Variants in MTMR3 observed in about 807,000 individuals in gnomAD.
MTMR3 encodes myotubularin related protein 3.
A neutral mutation model predicts 132.4 loss-of-function variants in MTMR3; 32 were observed. The ratio of observed to expected loss-of-function variants is 0.24; its 90% CI spans 0.18 to 0.32. The LOEUF is 0.32. Among genes scored for constraint, MTMR3 ranks in the 10% least tolerant of loss-of-function variants. MTMR3 has a pLI of 1.00. For missense variants in MTMR3, 1,216 were observed against 1,489.6 expected, an observed-to-expected ratio of 0.82 and a Z score of 3.02; for synonymous variants, 556 against 550.3, an observed-to-expected ratio of 1.01 and a Z score of -0.14.
intron 5 of MTMR3, chr22:29,987,587 G>A (rs558416995): frequency 2.0e-4 from 30 of 152,280 alleles, no homozygotes; most frequent in African/African-American, 6.7e-4. Context: ...GAAGCCAAGG[G>A]TTGAATTAGG....
intron 12 of MTMR3, chr22:30,010,801 T>G (rs2145945448): frequency 6.6e-6 from 1 of 152,348 alleles, no homozygotes; most frequent in East Asian, 1.9e-4. Context: ...ATGTGAGGAA[T>G]GAAATAAACA....
chr22:29,995,571 C>T (rs1186525280), intron 7 of MTMR3: 1 of 152,128 alleles, frequency 6.6e-6, no homozygotes, highest in African/African-American at 2.4e-5. Flanking sequence ...AATTGCTGGA[C>T]TGTATTATTT....
chr22:30,025,797 A>T lies in MTMR3; in HGVS notation c.3593A>T (p.Asn1198Ile), dbSNP rs75623810. The change falls in exon 20 of 20, where the codon AAC (asparagine) becomes ATC (isoleucine). Residue 1198 changes from asparagine (N) to isoleucine (I), a missense_variant. By Grantham distance (149) the Asn-to-Ile change is moderately radical (BLOSUM62 -3). Transcript: ENST00000401950. Reference sequence around the variant, plus strand: ...GATAAGCCCATTGCTGCCACTTCCAACTGAAGCTCAGTGACCTGGGTGGGC... The same window carrying T: ...GATAAGCCCATTGCTGCCACTTCCATCTGAAGCTCAGTGACCTGGGTGGGC... ...ELDKPIAATS[N>I] 2,122 of 1,613,832 alleles carry T rather than the reference A, an allele frequency of 1.3e-3. 34 individuals are homozygous for T. In the African/African-American group the frequency reaches 0.026, roughly 20 times the overall value.
intron 3 of MTMR3, among the ~76,000 whole-genome samples, chr22:29,973,242 C>T (rs2066569954): frequency 6.6e-6 from 1 of 152,168 alleles, no homozygotes; most frequent in Non-Finnish European, 1.5e-5. Flanking sequence ...AGATTGGAGT[C>T]TGTCTTTGAG....
intron 2 of MTMR3, among the ~76,000 whole-genome samples, chr22:29,966,735 G>A (rs1319573328): frequency 1.5e-5 from 1 of 65,334 alleles, no homozygotes; most frequent in Non-Finnish European, 3.1e-5. Context: ...GCGTGTGTGT[G>A]TGTGTGTGTG....
chr22:29,979,160 TTA>T, intron 5 of MTMR3, 108 bp downstream of exon 5: 3 of 767,598 alleles, frequency 3.9e-6, no homozygotes, highest in Non-Finnish European at 6.7e-6. Context: ...AGAGAAAGCA[TTA>T]TGTGCTCTGC....
intron 5 of MTMR3, 71 bp from the exon 6 acceptor site, chr22:29,988,409 T>G: frequency 9.0e-7 from 1 of 1,115,570 alleles, no homozygotes; most frequent in Non-Finnish European, 1.3e-6. Flanking sequence ...ATTAGTCTTG[T>G]TGGACACATT....
chr22:29,899,260 C>T (rs1173273412), intron 1 of MTMR3, among the ~76,000 whole-genome samples: 1 of 152,062 alleles, frequency 6.6e-6, no homozygotes, highest in Non-Finnish European at 1.5e-5. Context: ...GCTATGTTGC[C>T]CCTGCTGGTC....
chr22:29,898,272 A>G (rs1414077985), intron 1 of MTMR3, among the ~76,000 whole-genome samples: 1 of 152,192 alleles, frequency 6.6e-6, no homozygotes, highest in Non-Finnish European at 1.5e-5. Flanking sequence ...GGGTCAAGCT[A>G]TATATATTGT....
chr22:29,962,138 T>G (rs570339634), intron 2 of MTMR3, among the ~76,000 whole-genome samples: 1 of 152,250 alleles, frequency 6.6e-6, no homozygotes, highest in Admixed American at 6.5e-5. Context: ...GATAGACTTA[T>G]GAAATAGTTA....
chr22:29,934,600 T>C (rs1388988880), intron 1 of MTMR3, among the ~76,000 whole-genome samples: 3 of 152,220 alleles, frequency 2.0e-5, no homozygotes, highest in African/African-American at 7.2e-5. Flanking sequence ...TTATAGATTG[T>C]AATATTTGGA....
chr22:29,900,735 G>C (rs2064988661), intron 1 of MTMR3, among the ~76,000 whole-genome samples: 1 of 152,100 alleles, frequency 6.6e-6, no homozygotes, highest in Non-Finnish European at 1.5e-5. Flanking sequence ...TTTTTTTTGA[G>C]AAAGGGTCTC....
rs2067905891 is a variant in MTMR3 at position 30,026,060 on chromosome 22, T to TCCC, written c.*259_*260insCCC. The TCCC allele has an allele frequency of 5.1e-6, 2 of 389,154 alleles. No individual in the cohort carries two copies. Among genetic ancestry groups the TCCC allele is most frequent in the African/African-American group, 4.0e-5 (2 of 49,416 alleles). 24.1% of individuals were successfully genotyped at this position (389,154 alleles called of 1,614,324 possible). On this transcript the variant is annotated 3_prime_UTR_variant, in exon 20 of 20. Transcript: ENST00000401950. ...CTTGGTTGTCTTAATTTTTTTTTTT[T>TCCC]TTGATGGAAGACCAAGGGTTGCCAG... is the stretch of plus-strand genomic sequence containing the variant.
chr22:29,987,031 G>A (rs1056767613), intron 5 of MTMR3: 8 of 152,258 alleles, frequency 5.3e-5, no homozygotes, highest in East Asian at 3.9e-4. Flanking sequence ...GTGAGCCACC[G>A]TATCCGGCCA....
At chr22:29,918,103 T>G (rs713718) in intron 1 of MTMR3, among the ~76,000 whole-genome samples, 56,405 of 152,028 alleles carry the variant, frequency 0.37, 11,055 homozygotes, top group Middle Eastern at 0.56. Context: ...TTGCCTCATA[T>G]TGCTAATGCG....
At chr22:29,939,639 G>T (rs1434149177) in intron 1 of MTMR3, among the ~76,000 whole-genome samples, 1 of 152,140 alleles carries the variant, frequency 6.6e-6, no homozygotes, top group Non-Finnish European at 1.5e-5. Flanking sequence ...TATGTATGAA[G>T]GTATTACTTG....
intron 1 of MTMR3, among the ~76,000 whole-genome samples, chr22:29,919,066 A>G (rs1000911514): frequency 3.9e-5 from 6 of 152,184 alleles, no homozygotes; most frequent in Admixed American, 1.3e-4. Context: ...TCTCCCTACA[A>G]GGGACATTTT....
At chr22:29,939,303 A>C (rs1222641263) in intron 1 of MTMR3, among the ~76,000 whole-genome samples, 1 of 152,226 alleles carries the variant, frequency 6.6e-6, no homozygotes, top group African/African-American at 2.4e-5. Context: ...GTTTAAATAA[A>C]ATAAAAACAA....
rs796862336 is a variant in MTMR3, at chr22:29,943,601, G to GC, written c.-137-13434dup. Reference sequence around the variant, plus strand: ...GGAGAAGGTGTGTTGGGTAAGGTGAGCTTGTCAGGGAAGGAAGGAATTGGT... The same window carrying GC: ...GGAGAAGGTGTGTTGGGTAAGGTGAGCCTTGTCAGGGAAGGAAGGAATTGGT... On this transcript the variant is annotated intron_variant, in intron 1 of 19. Transcript: ENST00000401950. Among the ~76,000 whole-genome samples the GC allele has an allele frequency of 8.0e-4, 122 of 152,184 alleles. 1 individual carries two copies. The highest frequency in any genetic ancestry group is 2.9e-3 in the African/African-American group (119 of 41,504).
Sources: gnomAD v4.1 joint callset for allele counts (sites outside exome capture counted in the v4.1 genomes callset) on GRCh38, gnomAD v4.1.1 for gene constraint, MANE v1.5 for transcripts, NCBI Gene and HGNC (gene_info 2026-07-23, HGNC 2026-07-21) for gene names.